Variants in SMC1A observed in about 807,000 individuals in gnomAD.
SMC1A encodes structural maintenance of chromosomes 1A, also known as structural maintenance of chromosomes protein 1A.
Under a neutral mutation model 94.5 loss-of-function variants are expected in SMC1A, and 4 were observed. The ratio of observed to expected loss-of-function variants is 0.04; its 90% confidence interval spans 0.02 to 0.10. The LOEUF is 0.10. SMC1A is among the 10% of genes least tolerant of loss of function. The pLI is 1.00. For synonymous variants in SMC1A, 345 were observed against 347.7 expected (o/e 0.99, Z 0.09); for missense variants, 304 against 989.0 (o/e 0.31, Z 9.29).
intron 19 of SMC1A, among the ~76,000 whole-genome samples, chrX:53,387,127 C>G (rs2075607467): frequency 3.6e-5 from 4 of 111,605 alleles, no homozygotes; most frequent in Admixed American, 2.9e-4. Context: ...TCCCGAGTAG[C>G]TAGGACTACA....
intron 19 of SMC1A, among the ~76,000 whole-genome samples, chrX:53,393,915 G>A (rs1320536005): frequency 1.8e-5 from 2 of 110,358 alleles, no homozygotes; most frequent in African/African-American, 6.6e-5. Flanking sequence ...TCAGCACTTT[G>A]GGAGGCCAAG....
At chrX:53,410,926 CAAAAAA>C (rs56669032) in intron 7 of SMC1A, among the ~76,000 whole-genome samples, 2 of 28,815 alleles carry the variant, frequency 6.9e-5, no homozygotes, top group Non-Finnish European at 1.0e-4. Flanking sequence ...GGCTTTGTCT[CAAAAAA>C]AAAAAAAAAA....
chrX:53,403,171 CAAAAAAAAAAAAA>C (rs59213412), intron 15 of SMC1A, among the ~76,000 whole-genome samples: 4 of 30,040 alleles, frequency 1.3e-4, no homozygotes, highest in South Asian at 7.6e-3. Context: ...GATCCTGTGT[CAAAAAAAAAAAAA>C]AAAAAAAAAA....
intron 15 of SMC1A, among the ~76,000 whole-genome samples, chrX:53,401,860 T>C: frequency 9.0e-6 from 1 of 111,079 alleles, no homozygotes; most frequent in Non-Finnish European, 1.9e-5. Context: ...CTATGGTCAT[T>C]AGCCACTTGA....
chrX:53,397,821 C>T (rs1435637487), intron 16 of SMC1A, among the ~76,000 whole-genome samples: 1 of 110,754 alleles, frequency 9.0e-6, no homozygotes, highest in East Asian at 2.8e-4. Flanking sequence ...TATGTAATAT[C>T]CCAAATCATC....
intron 13 of SMC1A, 106 bp downstream of exon 13, chrX:53,404,906 G>A: frequency 2.1e-6 from 2 of 952,654 alleles, no homozygotes; most frequent in South Asian, 2.1e-5. Flanking sequence ...CCTGCGGCAG[G>A]CTGGGAGGAG....
At chrX:53,412,351 C>G in intron 5 of SMC1A, 98 bp from the exon 6 acceptor site, 2 of 890,566 alleles carry the variant, frequency 2.2e-6, no homozygotes, top group Non-Finnish European at 3.2e-6. Context: ...CCTGAGCCAA[C>G]CTCAGGGAAT....
rs1162971117 is a variant in SMC1A at position 53,379,916 on chromosome X, G to A, written c.*187C>T. 6 of 460,704 alleles carry A rather than the reference G, an allele frequency of 1.3e-5. No individual in the cohort carries two copies. The highest frequency in any genetic ancestry group is 6.3e-5 in the Admixed American group (2 of 31,638). The allele number at this position is 460,704 out of a possible 1,213,427, so 38.0% of individuals were successfully genotyped here. Reference sequence around the variant, plus strand: ...TTCAGAGGCCAGAATACTCCCTGTCGTTCAGGAATTTTTGCTCCAGACCTA... The same window carrying A: ...TTCAGAGGCCAGAATACTCCCTGTCATTCAGGAATTTTTGCTCCAGACCTA... On this transcript the variant is annotated 3_prime_UTR_variant, in exon 25 of 25. Coordinates refer to ENST00000322213, the MANE Select transcript of SMC1A (RefSeq NM_006306.4).
At chrX:53,403,288 T>C (rs997742647) in intron 15 of SMC1A, among the ~76,000 whole-genome samples, 59 of 108,303 alleles carry the variant, frequency 5.4e-4, no homozygotes, top group Non-Finnish European at 2.5e-4. Flanking sequence ...ATTTTGCAGA[T>C]ATTGCAGCTT....
At chrX:53,403,963 G>A in intron 13 of SMC1A, 70 bp from the exon 14 acceptor site, 1 of 742,939 alleles carries the variant, frequency 1.3e-6, no homozygotes, top group Non-Finnish European at 2.1e-6. Flanking sequence ...TGACTGCATT[G>A]GCCCCACAGT....
intron 20 of SMC1A, 81 bp from the exon 21 acceptor site, chrX:53,382,741 C>T: frequency 9.0e-7 from 1 of 1,111,542 alleles, no homozygotes; most frequent in Non-Finnish European, 1.2e-6. Context: ...AGGAACATCC[C>T]ACTGAGAGAG....
chrX:53,383,925 G>C (rs1206102313), intron 19 of SMC1A, among the ~76,000 whole-genome samples: 2 of 111,893 alleles, frequency 1.8e-5, no homozygotes, highest in Non-Finnish European at 3.8e-5. Flanking sequence ...TGAAAACAAT[G>C]ATAAGCAGGC....
At chrX:53,400,203 C>T (rs1342780778) in intron 15 of SMC1A, among the ~76,000 whole-genome samples, 1 of 111,713 alleles carries the variant, frequency 9.0e-6, no homozygotes, top group Admixed American at 9.6e-5. Flanking sequence ...AAAGACCTTG[C>T]CCAAGGCCAC....
chrX:53,382,930 T>C (rs1431623339), intron 20 of SMC1A, among the ~76,000 whole-genome samples, 167 bp downstream of exon 20: 1 of 111,247 alleles, frequency 9.0e-6, no homozygotes, highest in Non-Finnish European at 1.9e-5. Flanking sequence ...CCTCAGCAAT[T>C]TTCCGTTCTA....
In SMC1A at chrX:53,377,213, A is replaced by G. The variant is rs1339163655; in HGVS notation, c.*2890T>C. 2 of 112,176 alleles carry G rather than the reference A, an allele frequency of 1.8e-5. No homozygotes were observed. Among genetic ancestry groups the G allele is most frequent in the African/African-American group, 6.5e-5 (2 of 30,858 alleles). The allele number at this position is 112,176 out of a possible 1,213,427, so 9.2% of individuals were successfully genotyped here. A position where few individuals can be genotyped will look rare whatever the true frequency, so the allele number is the denominator to read the frequency against. ...CACTAAACCAGTGGAATCTTGGACA[A>G]GTCACCTCACCTCCTGGATCCTCAG... On this transcript the variant is annotated 3_prime_UTR_variant, in exon 25 of 25. Coordinates refer to ENST00000322213, the MANE Select transcript of SMC1A (RefSeq NM_006306.4).
Position 53,376,650 on chromosome X carries a change from T to C in SMC1A, c.*3453A>G, listed in dbSNP as rs1337453586. On this transcript the variant is annotated 3_prime_UTR_variant, in exon 25 of 25. Coordinates refer to ENST00000322213, the MANE Select transcript of SMC1A (RefSeq NM_006306.4). ...GTTTCCAATATCTGGAAATTCCTTC[T>C]ACTTCCTCAACTGGCTAATTCCTAC... 1.8e-5 allele frequency: 2 copies of C among 111,639 alleles called. No homozygotes were observed. The highest frequency in any genetic ancestry group is 6.5e-5 in the African/African-American group (2 of 30,697). The allele number at this position is 111,639 out of a possible 1,213,427, so 9.2% of individuals were successfully genotyped here. A position where few individuals can be genotyped will look rare whatever the true frequency, so the allele number is the denominator to read the frequency against.
At position 53,379,882 on chromosome X, in the gene SMC1A, G is replaced by C. The variant is rs2054608238; in HGVS notation, c.*221C>G. 2.3e-6 allele frequency: 1 copy of C among 444,143 alleles called. No individual in the cohort carries two copies. The highest frequency in any genetic ancestry group is 4.0e-6 in the Non-Finnish European group (1 of 252,415). 36.6% of individuals were successfully genotyped at this position (444,143 alleles called of 1,213,427 possible). ...TGAACAGATGGCCCTGTTCAGCTCA[G>C]CACCTCCTTTCAGAGGCCAGAATAC... On this transcript the variant is annotated 3_prime_UTR_variant, in exon 25 of 25. Transcript: ENST00000322213.
Position 53,375,062 on chromosome X carries a change from T to A in SMC1A, c.*5041A>T, listed in dbSNP as rs782138660. ...ACCAGACACTATCCACATCTAGCTA[T>A]CTGTGGCCAGGATTGTGAGGTCACA... On this transcript the variant is annotated 3_prime_UTR_variant, in exon 25 of 25. Transcript: ENST00000322213. The A allele has an allele frequency of 2.0e-4, 23 of 112,721 alleles. No homozygotes were observed. The highest frequency in any genetic ancestry group is 2.0e-3 in the Admixed American group (21 of 10,671). 9.3% of individuals were successfully genotyped at this position (112,721 alleles called of 1,213,427 possible).
intron 9 of SMC1A, among the ~76,000 whole-genome samples, chrX:53,407,541 T>C (rs1556889917): frequency 8.9e-6 from 1 of 111,861 alleles, no homozygotes; most frequent in Non-Finnish European, 1.9e-5. Flanking sequence ...ACTAGTAAAT[T>C]AATCGAACCC....
Sources: gnomAD v4.1 joint callset for allele counts (sites outside exome capture counted in the v4.1 genomes callset) on GRCh38, gnomAD v4.1.1 for gene constraint, MANE v1.5 for transcripts, NCBI Gene and HGNC (gene_info 2026-07-23, HGNC 2026-07-21) for gene names.